CKMT2: variants seen among roughly 807,000 people sequenced by gnomAD.
The protein encoded by CKMT2 is creatine kinase, mitochondrial 2, also known as creatine kinase S-type, mitochondrial.
In CKMT2, 43 loss-of-function variants were observed where a neutral mutation model predicts 48.9. The observed-to-expected ratio is 0.88, with a 90% CI of 0.69 to 1.13. CKMT2 has a LOEUF of 1.13. CKMT2 is among the 50% of genes most tolerant of loss of function. The pLI, the probability that CKMT2 is intolerant of heterozygous loss-of-function variation, is 0.00. For missense variants in CKMT2, 472 were observed against 555.4 expected (o/e 0.85, Z 1.51); for synonymous variants, 206 against 213.0 (o/e 0.97, Z 0.29).
intron 8 of CKMT2, among the ~76,000 whole-genome samples, chr5:81,262,473 TAAAC>T (rs572380825): frequency 1.9e-4 from 29 of 151,982 alleles, no homozygotes; most frequent in African/African-American, 6.5e-4. Flanking sequence ...AAAAGGAACT[TAAAC>T]AAATTTACAA....
chr5:81,245,992 C>T (rs563573220), intron 1 of CKMT2, among the ~76,000 whole-genome samples: 1 of 152,114 alleles, frequency 6.6e-6, no homozygotes, highest in African/African-American at 2.4e-5. Flanking sequence ...CAGCACTGCC[C>T]CAGAATAGAC....
Position 81,254,470 on chromosome 5 carries a change from A to C in CKMT2, c.426A>C (p.Thr142=). 1 of 1,614,130 alleles carries C rather than the reference A, an allele frequency of 6.2e-7. No individual in the cohort carries two copies. The highest frequency in any genetic ancestry group is 8.5e-7 in the Non-Finnish European group (1 of 1,179,988). Residue 142 remains threonine (T), a synonymous_variant, in exon 4 of 10, where the codon ACA becomes ACC. Coordinates refer to ENST00000254035, the MANE Select transcript of CKMT2 (RefSeq NM_001099735.2). ...ATGACCCCAGGGTGATGAAGCACAC[A>C]ACGGATCTGGATGCATCAAAGGTAG... The part of the protein sequence containing the change: ...NGYDPRVMKH[T]TDLDASKITQ...
At chr5:81,252,625 CA>C in intron 2 of CKMT2, 69 bp from the exon 3 acceptor site, 1 of 1,518,422 alleles carries the variant, frequency 6.6e-7, no homozygotes, top group Non-Finnish European at 9.1e-7. Flanking sequence ...GATGGGCAAA[CA>C]ACAAGTCCTT....
chr5:81,260,244 G>C (rs6872183), intron 8 of CKMT2, among the ~76,000 whole-genome samples: 53,214 of 151,972 alleles, frequency 0.35, 9,807 homozygotes, highest in Admixed American at 0.48. Flanking sequence ...ATTTATAGCA[G>C]CAAATGCCCA....
chr5:81,252,912 G>T lies in CKMT2; in HGVS notation c.351+19G>T. ...CTATGAGGTAAAACTATTGGCTGCT[G>T]GTTCCAGGGTGGGAGGGATGCTCTG... On this transcript the variant is annotated intron_variant, in intron 3 of 9. Coordinates refer to ENST00000254035, the MANE Select transcript of CKMT2 (RefSeq NM_001099735.2). 6.2e-7 allele frequency: 1 copy of T among 1,613,634 alleles called. No homozygotes were observed. The highest frequency in any genetic ancestry group is 8.5e-7 in the Non-Finnish European group (1 of 1,179,664).
At chr5:81,243,141 G>A (rs1366654236) in intron 1 of CKMT2, among the ~76,000 whole-genome samples, 1 of 152,230 alleles carries the variant, frequency 6.6e-6, no homozygotes, top group Non-Finnish European at 1.5e-5. Flanking sequence ...AGGGCCATAA[G>A]AGAGGTCCCT....
chr5:81,257,146 G>A, intron 6 of CKMT2, 146 bp downstream of exon 6: 1 of 156,392 alleles, frequency 6.4e-6, no homozygotes, highest in Non-Finnish European at 1.1e-5. Flanking sequence ...TGGAAAGTGT[G>A]TGTGTGTGTG....
chr5:81,265,516 G>C (rs1167422730), intron 9 of CKMT2, among the ~76,000 whole-genome samples: 1 of 151,826 alleles, frequency 6.6e-6, no homozygotes, highest in Non-Finnish European at 1.5e-5. Context: ...GGTGATCCCA[G>C]GGGAAAAAAA....
intron 1 of CKMT2, among the ~76,000 whole-genome samples, chr5:81,246,460 A>C (rs1242920747): frequency 6.6e-6 from 1 of 152,052 alleles, no homozygotes; most frequent in African/African-American, 2.4e-5. Flanking sequence ...TTTTCTCTGA[A>C]TAATATCCTG....
chr5:81,234,021 TAAAAAAAAAAAA>T (rs536455571), intron 1 of CKMT2, among the ~76,000 whole-genome samples: 18 of 91,906 alleles, frequency 2.0e-4, no homozygotes, highest in Middle Eastern at 0.014. Context: ...GGAGGTTAAT[TAAAAAAAAAAAA>T]AAAAAAAAAA....
chr5:81,266,076 G>T, intron 9 of CKMT2, 63 bp from the exon 10 acceptor site: 2 of 1,528,590 alleles, frequency 1.3e-6, no homozygotes, highest in Admixed American at 3.4e-5. Flanking sequence ...TGCTGTTCCT[G>T]TTAATCAATG....
At chr5:81,254,126 T>G (rs1379806117) in intron 3 of CKMT2, among the ~76,000 whole-genome samples, 6 of 152,224 alleles carry the variant, frequency 3.9e-5, no homozygotes, top group Admixed American at 3.3e-4. Flanking sequence ...GCAGAATCAC[T>G]CAGCAGGAGG....
intron 1 of CKMT2, among the ~76,000 whole-genome samples, chr5:81,243,281 G>A (rs993561611): frequency 1.3e-5 from 2 of 152,224 alleles, no homozygotes; most frequent in South Asian, 2.1e-4. Context: ...ACTGCGAACT[G>A]AGAGAGAATG....
intron 1 of CKMT2, chr5:81,244,316 G>A (rs1756535950): frequency 2.5e-6 from 1 of 398,536 alleles, no homozygotes; most frequent in Non-Finnish European, 3.4e-6. Context: ...CTGTGTTCTT[G>A]GGATGAGTAA....
chr5:81,263,357 A>AAT (rs920663333), intron 8 of CKMT2, 134 bp from the exon 9 acceptor site: 6 of 220,768 alleles, frequency 2.7e-5, no homozygotes, highest in Non-Finnish European at 4.0e-5. Context: ...ATCTATTATA[A>AAT]ATATATATAT....
intron 1 of CKMT2, chr5:81,239,244 A>C (rs1756353013): frequency 6.6e-6 from 1 of 152,220 alleles, no homozygotes; most frequent in Admixed American, 6.5e-5. Flanking sequence ...AATCAGTCCT[A>C]GCTTAATTCA....
At chr5:81,235,603 G>A (rs543754980) in intron 1 of CKMT2, among the ~76,000 whole-genome samples, 190 of 152,340 alleles carry the variant, frequency 1.2e-3, no homozygotes, top group Non-Finnish European at 2.4e-3. Flanking sequence ...GGGGGCTCGG[G>A]CTGGAGGCAG....
intron 1 of CKMT2, among the ~76,000 whole-genome samples, chr5:81,246,464 T>C (rs1309026790): frequency 6.6e-6 from 1 of 152,136 alleles, no homozygotes; most frequent in East Asian, 1.9e-4. Flanking sequence ...CTCTGAATAA[T>C]ATCCTGCTTA....
chr5:81,262,996 T>TA (rs1387077465), intron 8 of CKMT2, among the ~76,000 whole-genome samples: 2 of 152,024 alleles, frequency 1.3e-5, no homozygotes, highest in African/African-American at 4.8e-5. Flanking sequence ...TATGCAGCCA[T>TA]AAAAAAGGAT....
Sources: gnomAD v4.1 joint callset for allele counts (sites outside exome capture counted in the v4.1 genomes callset) on GRCh38, gnomAD v4.1.1 for gene constraint, MANE v1.5 for transcripts, NCBI Gene and HGNC (gene_info 2026-07-23, HGNC 2026-07-21) for gene names.